The following PRDM16 variants were observed in gnomAD, a reference collection of about 807,000 sequenced individuals.
The protein encoded by PRDM16 is histone-lysine N-methyltransferase PRDM16.
PRDM16 carries 23 observed loss-of-function variants against 110.6 expected under a neutral mutation model. The observed-to-expected ratio is 0.21, with a 90% CI of 0.15 to 0.29. PRDM16 has a LOEUF of 0.29. PRDM16 is among the 10% of genes least tolerant of loss of function. The probability of loss-of-function intolerance (pLI) is 1.00; values close to 1 mark genes in which losing one functional copy is unlikely to be tolerated. For synonymous variants in PRDM16, 799 were observed against 781.8 expected, an observed-to-expected ratio of 1.02 and a Z score of -0.37; for missense variants, 1,615 against 1,794.3, an observed-to-expected ratio of 0.90 and a Z score of 1.81.
intron 1 of PRDM16, among the ~76,000 whole-genome samples, chr1:3,093,823 AGC>A (rs1217665360): frequency 3.3e-5 from 5 of 152,148 alleles, no homozygotes; most frequent in African/African-American, 1.2e-4. Context: ...CCAGCTCCGA[AGC>A]GCAGGGAAGG....
At chr1:3,121,195 C>T (rs985826275) in intron 1 of PRDM16, among the ~76,000 whole-genome samples, 10 of 152,128 alleles carry the variant, frequency 6.6e-5, no homozygotes, top group Admixed American at 5.9e-4. Flanking sequence ...CCCCGAGCTG[C>T]GTAAGATCAG....
chr1:3,384,889 G>T (rs1569637703), intron 3 of PRDM16, among the ~76,000 whole-genome samples: 1 of 152,348 alleles, frequency 6.6e-6, no homozygotes, highest in Middle Eastern at 3.4e-3. Flanking sequence ...CGCCGGGCCA[G>T]GGCAGTGATC....
intron 3 of PRDM16, among the ~76,000 whole-genome samples, chr1:3,272,300 G>A (rs1269766322): frequency 1.3e-5 from 2 of 152,180 alleles, no homozygotes; most frequent in African/African-American, 4.8e-5. Flanking sequence ...ATCTAGAGAG[G>A]TAGGGGCTCT....
intron 3 of PRDM16, among the ~76,000 whole-genome samples, chr1:3,282,264 G>A (rs60436355): frequency 0.02 from 3,050 of 152,272 alleles, 115 homozygotes; most frequent in African/African-American, 0.069. Context: ...CAGGTGCCGG[G>A]CACCAGCCCT....
intron 1 of PRDM16, among the ~76,000 whole-genome samples, chr1:3,158,984 C>T (rs1336904669): frequency 6.6e-6 from 1 of 152,196 alleles, no homozygotes; most frequent in African/African-American, 2.4e-5. Flanking sequence ...GTTGGCCAGG[C>T]TGGTCTCGAA....
At chr1:3,336,637 T>G (rs1642160016) in intron 3 of PRDM16, among the ~76,000 whole-genome samples, 1 of 148,502 alleles carries the variant, frequency 6.7e-6, no homozygotes, top group Non-Finnish European at 1.5e-5. Flanking sequence ...CATGCACATG[T>G]GTGTTGGAGT....
At chr1:3,340,478 T>G (rs1642249634) in intron 3 of PRDM16, among the ~76,000 whole-genome samples, 1 of 152,222 alleles carries the variant, frequency 6.6e-6, no homozygotes, top group Admixed American at 6.5e-5. Flanking sequence ...CATCTGGGGA[T>G]GTCTGGAACA....
At chr1:3,160,809 C>T (rs1643891420) in intron 1 of PRDM16, among the ~76,000 whole-genome samples, 1 of 152,222 alleles carries the variant, frequency 6.6e-6, no homozygotes, top group Non-Finnish European at 1.5e-5. Flanking sequence ...CTGTTGCCAC[C>T]TGCACTTCCA....
intron 1 of PRDM16, among the ~76,000 whole-genome samples, chr1:3,176,264 GTCCA>G (rs1224462324): frequency 6.1e-3 from 894 of 147,722 alleles, no homozygotes; most frequent in Non-Finnish European, 9.5e-3. Flanking sequence ...TCCACCATCT[GTCCA>G]TCCATCCATC....
At position 3,385,164 on chromosome 1, in the gene PRDM16, C is replaced by G. The variant is rs371021789; in HGVS notation, c.451C>G (p.Leu151Val). 8.9e-5 allele frequency: 144 copies of G among 1,613,462 alleles called. No individual in the cohort carries two copies. Among genetic ancestry groups the G allele is most frequent in the Middle Eastern group, 4.9e-4 (3 of 6,082 alleles). The stretch of plus-strand genomic sequence containing the variant: ...TTCCTCCCAGCAGATCTCCGAAGAC[C>G]TGGGCAGTGAGAAGTTCTGCGTGGA... ...EGCITKISED[L>V]GSEKFCVDAN... The change falls in exon 4 of 17, where the codon CTG (leucine) becomes GTG (valine). Residue 151 changes from leucine to valine, a missense_variant. Transcript: ENST00000270722.
At chr1:3,368,839 T>C (rs1172490271) in intron 3 of PRDM16, among the ~76,000 whole-genome samples, 1 of 151,904 alleles carries the variant, frequency 6.6e-6, no homozygotes, top group Non-Finnish European at 1.5e-5. Context: ...GAAAAAAAAA[T>C]AGCAATAGCA....
intron 3 of PRDM16, among the ~76,000 whole-genome samples, chr1:3,384,131 C>T (rs1643155932): frequency 6.6e-6 from 1 of 151,380 alleles, no homozygotes; most frequent in Admixed American, 6.6e-5. Flanking sequence ...ATACACCTGT[C>T]CAGCAGGACA....
At chr1:3,260,972 A>G (rs1640152802) in intron 3 of PRDM16, among the ~76,000 whole-genome samples, 1 of 151,224 alleles carries the variant, frequency 6.6e-6, no homozygotes, top group South Asian at 2.1e-4. Context: ...GACCTGGGAC[A>G]AGTCACTTAA....
At chr1:3,278,384 T>G (rs929914136) in intron 3 of PRDM16, among the ~76,000 whole-genome samples, 1 of 152,192 alleles carries the variant, frequency 6.6e-6, no homozygotes, top group Non-Finnish European at 1.5e-5. Context: ...GGGAGCTGAA[T>G]GAACCCCACT....
chr1:3,198,257 G>T (rs1047872446), intron 2 of PRDM16, among the ~76,000 whole-genome samples: 2 of 152,234 alleles, frequency 1.3e-5, no homozygotes, highest in Admixed American at 1.3e-4. Context: ...GCAGGGCAGC[G>T]TCTCTCTGGG....
At chr1:3,071,677 G>A (rs1641765264) in intron 1 of PRDM16, among the ~76,000 whole-genome samples, 1 of 152,358 alleles carries the variant, frequency 6.6e-6, no homozygotes, top group South Asian at 2.1e-4. Context: ...AGAGGCGGTA[G>A]GGCCAGCACT....
intron 3 of PRDM16, among the ~76,000 whole-genome samples, chr1:3,250,504 T>C (rs971577975): frequency 1.3e-5 from 2 of 152,106 alleles, no homozygotes; most frequent in Non-Finnish European, 2.9e-5. Context: ...TGATTCTACT[T>C]ACCCCACCCC....
intron 3 of PRDM16, among the ~76,000 whole-genome samples, chr1:3,302,645 G>C (rs1402876939): frequency 1.3e-5 from 2 of 152,188 alleles, no homozygotes; most frequent in African/African-American, 4.8e-5. Context: ...TTCTACATCA[G>C]GCACCTTGCA....
Position 3,437,748 on chromosome 1 carries a change from G to GA in PRDM16, c.*3944dup, listed in dbSNP as rs1557678237. 1.4e-5 allele frequency: 3 copies of GA among 219,184 alleles called. No homozygotes were observed. Among genetic ancestry groups the GA allele is most frequent in the East Asian group, 1.3e-4 (2 of 15,092 alleles). 13.6% of individuals were successfully genotyped at this position (219,184 alleles called of 1,614,324 possible). On this transcript the variant is annotated 3_prime_UTR_variant, in exon 17 of 17. Coordinates refer to ENST00000270722, the MANE Select transcript of PRDM16 (RefSeq NM_022114.4). ...TCACTGATCCGTATTACCACTTTTG[G>GA]AAAAAAATAAATAAATAAATAAATA...
Sources: gnomAD v4.1 joint callset for allele counts (sites outside exome capture counted in the v4.1 genomes callset) on GRCh38, gnomAD v4.1.1 for gene constraint, MANE v1.5 for transcripts, NCBI Gene and HGNC (gene_info 2026-07-23, HGNC 2026-07-21) for gene names.